The following DCLK2 variants were observed in gnomAD, a reference collection of about 807,000 sequenced individuals.
DCLK2 encodes doublecortin like kinase 2.
Under a neutral mutation model 78.4 loss-of-function variants are expected in DCLK2, and 31 were observed. That is an observed-to-expected ratio of 0.40 (90% confidence interval 0.30 to 0.53). The LOEUF (loss-of-function observed/expected upper bound fraction) is 0.53. Ranked by LOEUF, DCLK2 falls within the 20% of genes least tolerant of loss-of-function variation. DCLK2 has a pLI of 0.61. For synonymous variants in DCLK2, 407 were observed against 374.9 expected, an observed-to-expected ratio of 1.09 and a Z score of -0.99; for missense variants, 872 against 973.7, an observed-to-expected ratio of 0.90 and a Z score of 1.39.
At chr4:150,178,369 G>A (rs1301693685) in intron 2 of DCLK2, among the ~76,000 whole-genome samples, 1 of 152,158 alleles carries the variant, frequency 6.6e-6, no homozygotes, top group African/African-American at 2.4e-5. Flanking sequence ...TGTGGTGTAT[G>A]CCTCAGCCAA....
At chr4:150,140,002 C>T (rs994651770) in intron 2 of DCLK2, among the ~76,000 whole-genome samples, 7 of 152,074 alleles carry the variant, frequency 4.6e-5, no homozygotes, top group African/African-American at 1.7e-4. Flanking sequence ...AGAGCTTAGC[C>T]TCATACAGTC....
intron 5 of DCLK2, chr4:150,209,685 G>A (rs1490160156): frequency 6.6e-6 from 1 of 152,320 alleles, no homozygotes; most frequent in African/African-American, 2.4e-5. Context: ...ACAGACACAG[G>A]ATGGTGATCA....
intron 2 of DCLK2, among the ~76,000 whole-genome samples, chr4:150,142,001 C>T (rs1468515040): frequency 1.3e-5 from 2 of 152,116 alleles, no homozygotes; most frequent in Non-Finnish European, 2.9e-5. Context: ...GGAAAAATTT[C>T]TGTAACAATG....
chr4:150,245,554 T>A (rs1408534341), intron 12 of DCLK2, among the ~76,000 whole-genome samples: 1 of 152,164 alleles, frequency 6.6e-6, no homozygotes, highest in Admixed American at 6.5e-5. Context: ...TGTGTGATGT[T>A]CCCCTTCCTG....
At chr4:150,087,842 G>A (rs4358376) in intron 1 of DCLK2, among the ~76,000 whole-genome samples, 58,026 of 152,032 alleles carry the variant, frequency 0.38, 11,313 homozygotes, top group Non-Finnish European at 0.42. Flanking sequence ...ACAAAGTGAA[G>A]GGGAAATTAG....
Position 150,148,191 on chromosome 4 carries a change from A to G in DCLK2, c.757-44947A>G, listed in dbSNP as rs561134747. Among the ~76,000 whole-genome samples, 8 of 152,108 alleles carry G rather than the reference A, an allele frequency of 5.3e-5. No individual in the cohort carries two copies. The South Asian group carries it at 6.2e-4, about 12-fold the overall frequency. The stretch of plus-strand genomic sequence containing the variant: ...CCAGCCTGGGCAATGTGGCAAAACC[A>G]TGTCTCCACTAAAAATACAAAAATT... On this transcript the variant is annotated intron_variant, in intron 2 of 15. Coordinates refer to ENST00000296550, the MANE Select transcript of DCLK2 (RefSeq NM_001040260.4).
intron 5 of DCLK2, among the ~76,000 whole-genome samples, chr4:150,215,556 G>A (rs1740634212): frequency 2.0e-5 from 3 of 152,196 alleles, no homozygotes; most frequent in African/African-American, 7.2e-5. Context: ...ATGAAGATAT[G>A]CATAGGGCGA....
chr4:150,117,074 C>T (rs1206295118), intron 2 of DCLK2, among the ~76,000 whole-genome samples: 1 of 152,102 alleles, frequency 6.6e-6, no homozygotes, highest in Non-Finnish European at 1.5e-5. Context: ...CAGGTGGGGG[C>T]TGGATAAGGC....
At chr4:150,253,096 C>T (rs1744300241) in intron 15 of DCLK2, among the ~76,000 whole-genome samples, 6 of 142,194 alleles carry the variant, frequency 4.2e-5, no homozygotes, top group Admixed American at 6.8e-5. Context: ...TCATCCTCCT[C>T]GTCCTCCTCA....
At position 150,102,507 on chromosome 4, in the gene DCLK2, C is replaced by A. The variant is rs758395866; in HGVS notation, c.451C>A (p.Pro151Thr). The change falls in exon 2 of 16, where the codon CCA becomes ACA. Residue 151 changes from proline (P) to threonine (T), a missense_variant. Physicochemically the swap from Pro to Thr is conservative, Grantham distance 38. This residue lies in a region of DCLK2 where 567 missense variants were observed against 593.4 expected (regional missense o/e 0.96). Coordinates refer to ENST00000296550, the MANE Select transcript of DCLK2 (RefSeq NM_001040260.4). ...GESYVCASNE[P>T]FRKVDYTKNI... ...GAGTTACGTGTGTGCATCCAATGAA[C>A]CATTTCGTAAAGTCGATTACACCAA... The A allele has an allele frequency of 1.2e-6, 2 of 1,613,762 alleles. No homozygotes were observed. Among genetic ancestry groups the A allele is most frequent in the East Asian group, 4.5e-5 (2 of 44,876 alleles).
Position 150,252,300 on chromosome 4 carries a change from T to C in DCLK2, c.2073+2616T>C, listed in dbSNP as rs78448045. ...AAAAATAAAACATTAAAAATTGGCA[T>C]ACTCAACGTGTCATGAAAAAACCTT... On this transcript the variant is annotated intron_variant, in intron 15 of 15. Transcript: ENST00000296550. Among the ~76,000 whole-genome samples the C allele has an allele frequency of 5.1e-3, 778 of 152,336 alleles. 7 individuals carry two copies. Among genetic ancestry groups the C allele is most frequent in the African/African-American group, 0.018 (746 of 41,586 alleles).
chr4:150,184,817 G>A (rs1342437589), intron 2 of DCLK2, among the ~76,000 whole-genome samples: 1 of 151,944 alleles, frequency 6.6e-6, no homozygotes. Flanking sequence ...TAGCCAGGAT[G>A]GTCTCAATCT....
Position 150,239,836 on chromosome 4 carries a change from C to T in DCLK2, c.1661C>T (p.Thr554Ile). 1 of 1,614,194 alleles carries T rather than the reference C, an allele frequency of 6.2e-7. No individual in the cohort carries two copies. Among genetic ancestry groups the T allele is most frequent in the Non-Finnish European group, 8.5e-7 (1 of 1,180,034 alleles). The change falls in exon 11 of 16, where the codon ACA (threonine) becomes ATA (isoleucine). Residue 554 changes from threonine (T) to isoleucine (I), a missense_variant. Transcript: ENST00000296550. Reference sequence around the variant, plus strand: ...GGCCCTTTATACACAGTCTGTGGCACACCCACTTATGTGGCTCCAGAAATC... The same window carrying T: ...GGCCCTTTATACACAGTCTGTGGCATACCCACTTATGTGGCTCCAGAAATC... Reference protein sequence around the residue: ...VEGPLYTVCGTPTYVAPEIIA... With the variant: ...VEGPLYTVCGIPTYVAPEIIA...
At chr4:150,221,822 AATG>A (rs1468883526) in intron 7 of DCLK2, 37 bp downstream of exon 7, 1 of 1,271,450 alleles carries the variant, frequency 7.9e-7, no homozygotes, top group African/African-American at 1.5e-5. Flanking sequence ...GAATAATGAA[AATG>A]ATAAATAATG....
intron 2 of DCLK2, among the ~76,000 whole-genome samples, chr4:150,135,303 T>C (rs949389586): frequency 1.3e-5 from 2 of 152,202 alleles, no homozygotes; most frequent in African/African-American, 2.4e-5. Context: ...AGAAATCTGT[T>C]GGAACATTTC....
chr4:150,231,585 G>C (rs191308978), intron 8 of DCLK2, among the ~76,000 whole-genome samples: 1 of 152,174 alleles, frequency 6.6e-6, no homozygotes, highest in Non-Finnish European at 1.5e-5. Context: ...ATGGGTTGAC[G>C]TATTAAGAAT....
chr4:150,239,753 T>C lies in DCLK2; in HGVS notation c.1578T>C (p.Tyr526=). Residue 526 remains tyrosine (Y), a synonymous_variant, in exon 11 of 16, where the codon TAT becomes TAC. Transcript: ENST00000296550. ...IKPENLLVCE[Y]PDGTKSLKLG... is the part of the protein sequence containing the mutation. The stretch of plus-strand genomic sequence containing the variant: ...GATTTCTGTTTCAGGTGTGTGAATA[T>C]CCTGATGGAACCAAGTCTTTGAAAC... 6.2e-7 allele frequency: 1 copy of C among 1,614,156 alleles called. No homozygotes were observed. The highest frequency in any genetic ancestry group is 8.5e-7 in the Non-Finnish European group (1 of 1,180,016).
At chr4:150,215,627 C>T (rs191484086) in intron 5 of DCLK2, among the ~76,000 whole-genome samples, 17 of 152,354 alleles carry the variant, frequency 1.1e-4, no homozygotes, top group Middle Eastern at 3.4e-3. Context: ...CCTCCAGAAA[C>T]GTCCACATAC....
chr4:150,256,076 C>CG lies in DCLK2; in HGVS notation c.2132dup (p.Arg712GlnfsTer45). 1 of 1,613,216 alleles carries CG rather than the reference C, an allele frequency of 6.2e-7. No homozygotes were observed. Among genetic ancestry groups the CG allele is most frequent in the Non-Finnish European group, 8.5e-7 (1 of 1,179,928 alleles). ...TCTGCAGCAAGCACTGTCAAGACAGCGGCAGGCCTGGGATGGAGCCCATCT... is the reference window on the plus strand; with the variant it reads ...TCTGCAGCAAGCACTGTCAAGACAGCGGGCAGGCCTGGGATGGAGCCCATCT... On this transcript the variant is annotated frameshift_variant, in exon 16 of 16. Transcript: ENST00000296550. LOFTEE classifies it low-confidence loss of function (END_TRUNC).
Sources: gnomAD v4.1 joint callset for allele counts (sites outside exome capture counted in the v4.1 genomes callset) on GRCh38, gnomAD v4.1.1 for gene constraint, gnomAD v4.1.1 regional missense constraint, MANE v1.5 for transcripts, NCBI Gene and HGNC (gene_info 2026-07-23, HGNC 2026-07-21) for gene names.